The following PCDHGA3 variants were observed in gnomAD, a reference collection of about 807,000 sequenced individuals.
PCDHGA3 encodes protocadherin gamma subfamily A, 3.
In PCDHGA3, 40 loss-of-function variants were observed where a neutral mutation model predicts 58.5. The observed-to-expected ratio is 0.68, with a 90% CI of 0.53 to 0.89. The LOEUF is 0.89. Among genes scored for constraint, PCDHGA3 ranks in the 40% least tolerant of loss-of-function variants. PCDHGA3 has a pLI of 0.00. For missense variants in PCDHGA3, 1,223 were observed against 1,195.9 expected (o/e 1.02, Z -0.33); for synonymous variants, 530 against 525.7 (o/e 1.01, Z -0.11).
intron 1 of PCDHGA3, chr5:141,350,664 T>C: frequency 6.2e-7 from 1 of 1,614,016 alleles, no homozygotes; most frequent in South Asian, 1.1e-5. Flanking sequence ...GCAAAAGGCA[T>C]TGACTTAGAA....
intron 1 of PCDHGA3, chr5:141,428,734 A>G (rs922346225): frequency 1.9e-5 from 3 of 158,252 alleles, no homozygotes; most frequent in Non-Finnish European, 2.8e-5. Context: ...TAAACATATT[A>G]TATCTACTAT....
At chr5:141,399,473 A>G (rs2093815825) in intron 1 of PCDHGA3, 2 of 1,613,996 alleles carry the variant, frequency 1.2e-6, no homozygotes, top group Non-Finnish European at 1.7e-6. Context: ...CCGGTTTTCC[A>G]CCAGGCGTCC....
chr5:141,495,644 A>C (rs767670166), intron 2 of PCDHGA3, among the ~76,000 whole-genome samples: 1 of 151,770 alleles, frequency 6.6e-6, no homozygotes, highest in African/African-American at 2.4e-5. Flanking sequence ...TCATTTGTCT[A>C]CTTGCATTGA....
intron 1 of PCDHGA3, chr5:141,416,339 A>T (rs2096016775): frequency 6.6e-6 from 1 of 152,218 alleles, no homozygotes; most frequent in African/African-American, 2.4e-5. Context: ...TCATTGCTCA[A>T]TAGGGATCCT....
intron 1 of PCDHGA3, chr5:141,415,791 CCTAGTCTCAA>C: frequency 2.2e-6 from 3 of 1,341,938 alleles, no homozygotes; most frequent in Non-Finnish European, 1.9e-6. Flanking sequence ...GTAAAATTCA[CCTAGTCTCAA>C]TCAAGGCCTA....
At chr5:141,416,913 G>C (rs2096067624) in intron 1 of PCDHGA3, 1 of 151,920 alleles carries the variant, frequency 6.6e-6, no homozygotes, top group South Asian at 2.1e-4. Context: ...ACACTCTTTA[G>C]GGTCATAGTT....
At chr5:141,494,954 G>A in intron 2 of PCDHGA3, 89 bp downstream of exon 2, 2 of 1,601,116 alleles carry the variant, frequency 1.2e-6, no homozygotes. Context: ...CCCAGCATTT[G>A]CTACAGATGG....
At position 141,351,596 on chromosome 5, in the gene PCDHGA3, C is replaced by T. The variant is rs773771390; in HGVS notation, c.2424+5139C>T. 6.2e-7 allele frequency: 1 copy of T among 1,614,088 alleles called. No homozygotes were observed. The highest frequency in any genetic ancestry group is 1.1e-5 in the South Asian group (1 of 91,088). On this transcript the variant is annotated intron_variant, in intron 1 of 3. Transcript: ENST00000253812. Reference sequence around the variant, plus strand: ...CATCTCCGACATCAACGACAATGCACCTGTTTTCCATCAGGCCTCCTATGT... The same window carrying T: ...CATCTCCGACATCAACGACAATGCATCTGTTTTCCATCAGGCCTCCTATGT...
intron 1 of PCDHGA3, among the ~76,000 whole-genome samples, chr5:141,444,462 C>T (rs1314366280): frequency 3.3e-5 from 5 of 152,002 alleles, no homozygotes; most frequent in African/African-American, 9.7e-5. Flanking sequence ...TGAGTCACTG[C>T]GCCCGGTCGC....
intron 1 of PCDHGA3, chr5:141,478,153 T>G (rs1477175391): frequency 3.1e-6 from 5 of 1,613,934 alleles, no homozygotes; most frequent in Middle Eastern, 1.6e-4. Flanking sequence ...AGTTCCCCTC[T>G]GGCTCTGCCC....
At chr5:141,506,231 A>G (rs1453468632) in intron 3 of PCDHGA3, among the ~76,000 whole-genome samples, 4 of 152,082 alleles carry the variant, frequency 2.6e-5, no homozygotes, top group African/African-American at 4.8e-5. Context: ...CAGGAGGATC[A>G]TGAGGTCAGG....
chr5:141,409,561 C>T (rs1296401858), intron 1 of PCDHGA3: 4 of 1,613,986 alleles, frequency 2.5e-6, no homozygotes, highest in Non-Finnish European at 3.4e-6. Context: ...CAGTTTTCGA[C>T]CAGACGTCCT....
intron 1 of PCDHGA3, chr5:141,394,873 C>T (rs376612124): frequency 6.8e-6 from 11 of 1,613,708 alleles, no homozygotes; most frequent in Non-Finnish European, 8.5e-6. Context: ...CCGAACGATT[C>T]GAGCCTTACA....
At chr5:141,391,869 T>A (rs2092430763) in intron 1 of PCDHGA3, 2 of 152,218 alleles carry the variant, frequency 1.3e-5, no homozygotes, top group Admixed American at 1.3e-4. Flanking sequence ...AATTTAATCA[T>A]CTCTTTGGTG....
Position 141,393,932 on chromosome 5 carries a change from C to A in PCDHGA3, c.2424+47475C>A, listed in dbSNP as rs758815375. 2.7e-5 allele frequency: 44 copies of A among 1,613,798 alleles called. No individual in the cohort carries two copies. Among genetic ancestry groups the A allele is most frequent in the Non-Finnish European group, 3.6e-5 (43 of 1,179,882 alleles). On this transcript the variant is annotated intron_variant, in intron 1 of 3. Coordinates refer to ENST00000253812, the MANE Select transcript of PCDHGA3 (RefSeq NM_018916.4). Reference sequence around the variant, plus strand: ...TAATTGCCTTCTTGAGTGTGCATGACCAAGACTCTGGAAAGAATGGTCAAG... The same window carrying A: ...TAATTGCCTTCTTGAGTGTGCATGAACAAGACTCTGGAAAGAATGGTCAAG...
At chr5:141,507,450 CAG>C (rs940460926) in intron 3 of PCDHGA3, among the ~76,000 whole-genome samples, 3 of 152,168 alleles carry the variant, frequency 2.0e-5, no homozygotes, top group African/African-American at 7.2e-5. Flanking sequence ...GACGGAAGGA[CAG>C]AGAGAGAGGT....
At chr5:141,508,903 G>A (rs1410291297) in intron 3 of PCDHGA3, among the ~76,000 whole-genome samples, 1 of 152,086 alleles carries the variant, frequency 6.6e-6, no homozygotes, top group East Asian at 1.9e-4. Flanking sequence ...GGGCGGGGCG[G>A]TGGCGGATCT....
intron 1 of PCDHGA3, chr5:141,421,916 G>A (rs754653877): frequency 2.5e-6 from 4 of 1,613,646 alleles, no homozygotes; most frequent in Non-Finnish European, 2.5e-6. Flanking sequence ...GTTCCCATTC[G>A]TGTGGTGGTC....
intron 1 of PCDHGA3, among the ~76,000 whole-genome samples, chr5:141,382,012 A>G (rs1777864214): frequency 6.6e-6 from 1 of 151,520 alleles, no homozygotes; most frequent in Admixed American, 6.6e-5. Flanking sequence ...TATTTTTAGT[A>G]GAGACGGGGT....
Sources: gnomAD v4.1 joint callset for allele counts (sites outside exome capture counted in the v4.1 genomes callset) on GRCh38, gnomAD v4.1.1 for gene constraint, MANE v1.5 for transcripts, NCBI Gene and HGNC (gene_info 2026-07-23, HGNC 2026-07-21) for gene names.